MTUS2: variants seen among roughly 807,000 people sequenced by gnomAD.
MTUS2 encodes microtubule associated scaffold protein 2.
Under a neutral mutation model 114.1 loss-of-function variants are expected in MTUS2, and 40 were observed. The ratio of observed to expected loss-of-function variants is 0.35; its 90% confidence interval spans 0.27 to 0.46. The LOEUF is 0.46. MTUS2 is among the 20% of genes least tolerant of loss of function. The probability of loss-of-function intolerance (pLI) is 1.00; values close to 1 mark genes in which losing one functional copy is unlikely to be tolerated. For synonymous variants in MTUS2, 688 were observed against 672.0 expected, an observed-to-expected ratio of 1.02 and a Z score of -0.37; for missense variants, 1,679 against 1,705.4, an observed-to-expected ratio of 0.98 and a Z score of 0.27.
chr13:29,349,057 A>G (rs1868996099), intron 7 of MTUS2, among the ~76,000 whole-genome samples: 2 of 152,216 alleles, frequency 1.3e-5, no homozygotes, highest in South Asian at 4.1e-4. Flanking sequence ...TAAATCTACC[A>G]TCTTGCCGTA....
intron 1 of MTUS2, among the ~76,000 whole-genome samples, chr13:28,823,161 A>C (rs569406422): frequency 4.6e-5 from 7 of 152,406 alleles, no homozygotes; most frequent in Admixed American, 3.9e-4. Context: ...TAATAGGAAC[A>C]GATAGCATCA....
intron 2 of MTUS2, among the ~76,000 whole-genome samples, chr13:28,935,383 G>C (rs1173868385): frequency 6.6e-6 from 1 of 152,052 alleles, no homozygotes; most frequent in African/African-American, 2.4e-5. Context: ...GAATTCCAAA[G>C]TTTTTGCAAG....
intron 14 of MTUS2, 89 bp downstream of exon 14, chr13:29,498,626 G>A (rs912874262): frequency 6.4e-7 from 1 of 1,560,396 alleles, no homozygotes; most frequent in Non-Finnish European, 8.7e-7. Context: ...TCAGCCAGGT[G>A]TGTCCCTTAC....
At chr13:29,467,580 A>G (rs928834857) in intron 9 of MTUS2, among the ~76,000 whole-genome samples, 1 of 151,760 alleles carries the variant, frequency 6.6e-6, no homozygotes, top group Non-Finnish European at 1.5e-5. Context: ...TATTAAAGCC[A>G]TTTCCTGTTT....
intron 5 of MTUS2, among the ~76,000 whole-genome samples, chr13:29,159,256 A>AATT (rs1373025916): frequency 6.6e-6 from 1 of 152,224 alleles, no homozygotes; most frequent in African/African-American, 2.4e-5. Flanking sequence ...CACGTACTAA[A>AATT]ATTAATAGGT....
intron 8 of MTUS2, among the ~76,000 whole-genome samples, chr13:29,389,785 G>A (rs140490833): frequency 0.84 from 18,163 of 21,600 alleles, 8,013 homozygotes; most frequent in Middle Eastern, 1. Context: ...ACATATGTGT[G>A]TATATGTATA....
intron 2 of MTUS2, among the ~76,000 whole-genome samples, chr13:28,843,405 C>T (rs193248102): frequency 5.7e-4 from 87 of 152,118 alleles, no homozygotes; most frequent in African/African-American, 1.9e-3. Flanking sequence ...TTGGAAGCAC[C>T]GGGGTCACAA....
chr13:29,324,720 G>C lies in MTUS2; in HGVS notation c.2905+9G>C. 1 of 1,579,932 alleles carries C rather than the reference G, an allele frequency of 6.3e-7. No individual in the cohort carries two copies. The highest frequency in any genetic ancestry group is 8.6e-7 in the Non-Finnish European group (1 of 1,158,562). The stretch of plus-strand genomic sequence containing the variant: ...CAAGCTTCATTCACCAGGTATGTAA[G>C]AAATATGATGTGTTCCTTGGGGGAA... On this transcript the variant is annotated intron_variant, in intron 7 of 15. Coordinates refer to ENST00000612955, the MANE Select transcript of MTUS2 (RefSeq NM_001033602.4).
chr13:29,125,812 T>A (rs1891491181), intron 5 of MTUS2, among the ~76,000 whole-genome samples: 1 of 152,228 alleles, frequency 6.6e-6, no homozygotes, highest in Non-Finnish European at 1.5e-5. Flanking sequence ...ATAGTTAGAT[T>A]ACTCAGTTCA....
intron 5 of MTUS2, among the ~76,000 whole-genome samples, chr13:29,161,770 C>G (rs1566040078): frequency 6.6e-6 from 1 of 152,250 alleles, no homozygotes; most frequent in African/African-American, 2.4e-5. Flanking sequence ...GCTCCCTGAC[C>G]TAGCAGCATC....
chr13:29,487,526 C>A (rs1286279660), intron 10 of MTUS2: 2 of 225,284 alleles, frequency 8.9e-6, no homozygotes, highest in Admixed American at 5.2e-5. Flanking sequence ...CCCCCTGCCA[C>A]TGGGAAACAG....
At position 29,187,043 on chromosome 13, in the gene MTUS2, T is replaced by C. The variant is rs148751453; in HGVS notation, c.2644+86073T>C. ...AAAGAAGAAATCACAAGGGAAAAATTTGAAAATATTTTGAGATGAATGAAA... is the reference window on the plus strand; with the variant it reads ...AAAGAAGAAATCACAAGGGAAAAATCTGAAAATATTTTGAGATGAATGAAA... On this transcript the variant is annotated intron_variant, in intron 5 of 15. Transcript: ENST00000612955. Among the ~76,000 whole-genome samples the C allele has an allele frequency of 6.6e-3, 998 of 152,078 alleles. 11 individuals are homozygous for C. The highest frequency in any genetic ancestry group is 0.023 in the African/African-American group (937 of 41,490).
intron 4 of MTUS2, among the ~76,000 whole-genome samples, chr13:29,073,509 T>G (rs1593447447): frequency 7.3e-6 from 1 of 137,146 alleles, no homozygotes; most frequent in East Asian, 2.2e-4. Context: ...TGTACACATG[T>G]GTAATGAGGT....
intron 5 of MTUS2, among the ~76,000 whole-genome samples, chr13:29,195,844 A>G (rs1286309465): frequency 6.6e-6 from 1 of 152,196 alleles, no homozygotes; most frequent in Admixed American, 6.5e-5. Flanking sequence ...TGGGAGCAGT[A>G]AATGATTTGG....
intron 5 of MTUS2, among the ~76,000 whole-genome samples, chr13:29,142,103 G>C (rs1425940762): frequency 2.0e-5 from 3 of 151,588 alleles, no homozygotes; most frequent in Admixed American, 6.6e-5. Flanking sequence ...CTCATGATCC[G>C]CCCGCCTCGG....
At chr13:29,197,465 T>C (rs1894751307) in intron 5 of MTUS2, among the ~76,000 whole-genome samples, 1 of 152,204 alleles carries the variant, frequency 6.6e-6, no homozygotes, top group Non-Finnish European at 1.5e-5. Context: ...ATCCAGTCTA[T>C]CATTGGTGGG....
At chr13:29,016,009 A>G (rs556754942) in intron 2 of MTUS2, among the ~76,000 whole-genome samples, 2 of 152,036 alleles carry the variant, frequency 1.3e-5, no homozygotes, top group African/African-American at 2.4e-5. Flanking sequence ...GGTTCAAGCA[A>G]TTCTCCTACC....
chr13:29,231,894 A>G (rs989816513), intron 5 of MTUS2, among the ~76,000 whole-genome samples: 1 of 152,214 alleles, frequency 6.6e-6, no homozygotes, highest in African/African-American at 2.4e-5. Context: ...AAGTGAAGAA[A>G]ATTATTTTCT....
At chr13:29,228,126 T>C (rs1896183326) in intron 5 of MTUS2, among the ~76,000 whole-genome samples, 1 of 152,196 alleles carries the variant, frequency 6.6e-6, no homozygotes, top group Non-Finnish European at 1.5e-5. Context: ...CATAATGATA[T>C]TTATGACCAC....
Sources: allele counts gnomAD v4.1 joint callset (sites outside exome capture counted in the v4.1 genomes callset), GRCh38; gene constraint gnomAD v4.1.1; transcripts MANE v1.5; gene names NCBI Gene and HGNC (gene_info 2026-07-23, HGNC 2026-07-21).